SLC24A2: variants seen among roughly 807,000 people sequenced by gnomAD.
The protein encoded by SLC24A2 is sodium/potassium/calcium exchanger 2.
A neutral mutation model predicts 62.0 loss-of-function variants in SLC24A2; 36 were observed. The observed-to-expected ratio is 0.58, with a 90% CI of 0.44 to 0.77. SLC24A2 has a LOEUF of 0.77. Among genes scored for constraint, SLC24A2 ranks in the 30% least tolerant of loss-of-function variants. The pLI, the probability that SLC24A2 is intolerant of heterozygous loss-of-function variation, is 0.00. For synonymous variants in SLC24A2, 358 were observed against 294.0 expected (o/e 1.22, Z -2.23); for missense variants, 846 against 817.9 (o/e 1.03, Z -0.42).
chr9:19,737,798 T>G (rs970087412), intron 2 of SLC24A2, among the ~76,000 whole-genome samples: 1 of 152,032 alleles, frequency 6.6e-6, no homozygotes, highest in African/African-American at 2.4e-5. Flanking sequence ...AAAATTTGGT[T>G]TTAAAAAATT....
At chr9:19,938,279 C>G in the SLC24A2 span, among the ~76,000 whole-genome samples, 1 of 152,044 alleles carries the variant, frequency 6.6e-6, no homozygotes, top group Non-Finnish European at 1.5e-5. Flanking sequence ...TATAGAAACT[C>G]AATATTAAAG....
the SLC24A2 span, among the ~76,000 whole-genome samples, chr9:19,904,678 G>GCATA: frequency 0.016 from 2,460 of 152,274 alleles, 63 homozygotes; most frequent in African/African-American, 0.056. Context: ...AATGAATGCT[G>GCATA]CATACATTGT....
At chr9:19,769,666 T>C (rs1822625388) in intron 2 of SLC24A2, among the ~76,000 whole-genome samples, 1 of 152,232 alleles carries the variant, frequency 6.6e-6, no homozygotes, top group Non-Finnish European at 1.5e-5. Flanking sequence ...TCAGCAGGGC[T>C]GCATCCTACG....
chr9:20,187,129 T>C, the SLC24A2 span, among the ~76,000 whole-genome samples: 14 of 152,274 alleles, frequency 9.2e-5, no homozygotes, highest in South Asian at 1.5e-3. Flanking sequence ...TCCCATCCCA[T>C]CCATGCACCC....
chr9:19,653,371 A>C (rs1189142249), intron 2 of SLC24A2, among the ~76,000 whole-genome samples: 1 of 152,020 alleles, frequency 6.6e-6, no homozygotes, highest in Non-Finnish European at 1.5e-5. Context: ...GAGATTGGGG[A>C]CTCATTCACA....
the SLC24A2 span, among the ~76,000 whole-genome samples, chr9:20,211,623 G>A: frequency 2.8e-4 from 42 of 152,182 alleles, no homozygotes; most frequent in African/African-American, 9.4e-4. Context: ...ACTAAATATG[G>A]TTGCAAAAAC....
chr9:20,051,980 A>G, the SLC24A2 span, among the ~76,000 whole-genome samples: 1 of 152,050 alleles, frequency 6.6e-6, no homozygotes, highest in African/African-American at 2.4e-5. Flanking sequence ...CTCGCAGGAC[A>G]CTGTAAGCAT....
the SLC24A2 span, among the ~76,000 whole-genome samples, chr9:20,164,996 AG>A: frequency 2.5e-5 from 2 of 79,538 alleles, no homozygotes; most frequent in African/African-American, 1.0e-4. Context: ...GGGTGGGGGG[AG>A]GGGGGAGGGA....
chr9:20,172,352 G>A, the SLC24A2 span, among the ~76,000 whole-genome samples: 1 of 151,926 alleles, frequency 6.6e-6, no homozygotes, highest in Admixed American at 6.6e-5. Context: ...CAGTATCAGA[G>A]CAGAATTTAA....
rs532290731 is a variant in SLC24A2 at position 19,647,378 on chromosome 9, T to A, written c.931-25079A>T. ...CCTATGTCTTCTTCACTGGAAATTTTGGCCAAAGAGGACAAGACTACAAAC... is the reference window on the plus strand; with the variant it reads ...CCTATGTCTTCTTCACTGGAAATTTAGGCCAAAGAGGACAAGACTACAAAC... On this transcript the variant is annotated intron_variant, in intron 2 of 10. Transcript: ENST00000341998. Among the ~76,000 whole-genome samples the A allele has an allele frequency of 2.0e-5, 3 of 152,316 alleles. No individual in the cohort carries two copies. The South Asian group carries it at 6.2e-4, about 32-fold the overall frequency.
rs377164498 is a variant in SLC24A2, at chr9:19,700,112, T to C, written c.931-77813A>G. 2.2e-4 allele frequency among the ~76,000 whole-genome samples: 34 copies of C among 152,320 alleles called. No homozygotes were observed. In the East Asian group the frequency reaches 5.2e-3, roughly 23 times the overall value. Reference sequence around the variant, plus strand: ...AATGCTTTGAAAAGTACTATATAAATGCAAGCTATGTCTCACCTGAGACAT... The same window carrying C: ...AATGCTTTGAAAAGTACTATATAAACGCAAGCTATGTCTCACCTGAGACAT... On this transcript the variant is annotated intron_variant, in intron 2 of 10. Transcript: ENST00000341998.
chr9:19,578,784 T>C (rs1836114989), intron 5 of SLC24A2, among the ~76,000 whole-genome samples: 1 of 152,142 alleles, frequency 6.6e-6, no homozygotes, highest in South Asian at 2.1e-4. Context: ...ACCTGTAAAC[T>C]AGAGTCAGAC....
the SLC24A2 span, among the ~76,000 whole-genome samples, chr9:19,807,267 G>C: frequency 6.6e-6 from 1 of 152,198 alleles, no homozygotes; most frequent in East Asian, 1.9e-4. Flanking sequence ...AGGAACAAAA[G>C]GAAGGTGATA....
At chr9:19,913,981 ACAATCTTGATCAGCGGTGGTATGCC>A in the SLC24A2 span, among the ~76,000 whole-genome samples, 1 of 151,966 alleles carries the variant, frequency 6.6e-6, no homozygotes, top group African/African-American at 2.4e-5. Context: ...CAAAAAACCT[ACAATCTTGATCAGCGGTGGTATGCC>A]CAATCTTGAT....
the SLC24A2 span, among the ~76,000 whole-genome samples, chr9:19,894,461 G>T: frequency 6.6e-6 from 1 of 151,956 alleles, no homozygotes; most frequent in Non-Finnish European, 1.5e-5. Flanking sequence ...TTGGCAAATT[G>T]GTAACATTCA....
the SLC24A2 span, among the ~76,000 whole-genome samples, chr9:20,083,355 A>C: frequency 1.3e-5 from 2 of 152,202 alleles, no homozygotes; most frequent in East Asian, 1.9e-4. Context: ...AATGGATACG[A>C]AACAGTGGAC....
At chr9:19,810,525 G>T in the SLC24A2 span, among the ~76,000 whole-genome samples, 1 of 152,180 alleles carries the variant, frequency 6.6e-6, no homozygotes, top group African/African-American at 2.4e-5. Flanking sequence ...GAGGAAATGG[G>T]TTCCCACAGT....
At position 19,616,898 on chromosome 9, in the gene SLC24A2, AG is replaced by A. The variant is rs879916766; in HGVS notation, c.1078+2685del. 7.2e-5 allele frequency among the ~76,000 whole-genome samples: 11 copies of A among 152,234 alleles called. No homozygotes were observed. The Middle Eastern group carries it at 0.014, about 188-fold the overall frequency. ...CAGGAGTAACGCAGGGAAAAATGGA[AG>A]GGGGTGGGGGAAAGGAAAATATTAT... On this transcript the variant is annotated intron_variant, in intron 4 of 10. Transcript: ENST00000341998.
chr9:19,660,739 G>A (rs1482616865), intron 2 of SLC24A2, among the ~76,000 whole-genome samples: 1 of 152,160 alleles, frequency 6.6e-6, no homozygotes, highest in African/African-American at 2.4e-5. Flanking sequence ...CTTATGAAAG[G>A]AAAGTGTATT....
Sources: gnomAD v4.1 joint callset for allele counts (sites outside exome capture counted in the v4.1 genomes callset) on GRCh38, gnomAD v4.1.1 for gene constraint, MANE v1.5 for transcripts, NCBI Gene and HGNC (gene_info 2026-07-23, HGNC 2026-07-21) for gene names.